ZHX3: variants seen among roughly 807,000 people sequenced by gnomAD.
The protein encoded by ZHX3 is zinc fingers and homeoboxes 3, also known as zinc fingers and homeoboxes protein 3.
ZHX3 carries 20 observed loss-of-function variants against 64.5 expected under a neutral mutation model. That is an observed-to-expected ratio of 0.31 (90% CI 0.22 to 0.45). The LOEUF is 0.45. Among genes scored for constraint, ZHX3 ranks in the 20% least tolerant of loss-of-function variants. The pLI, the probability that ZHX3 is intolerant of heterozygous loss-of-function variation, is 1.00. For synonymous variants in ZHX3, 423 were observed against 461.6 expected, an observed-to-expected ratio of 0.92 and a Z score of 1.07; for missense variants, 1,041 against 1,195.8, an observed-to-expected ratio of 0.87 and a Z score of 1.91.
chr20:41,250,553 A>T (rs372789334), intron 2 of ZHX3, among the ~76,000 whole-genome samples: 21 of 152,314 alleles, frequency 1.4e-4, no homozygotes, highest in African/African-American at 4.8e-4. Context: ...AACACTTATG[A>T]AACAATAGCA....
intron 1 of ZHX3, among the ~76,000 whole-genome samples, chr20:41,294,711 TATTG>T (rs1486884529): frequency 6.6e-6 from 1 of 151,844 alleles, no homozygotes; most frequent in Admixed American, 6.6e-5. Flanking sequence ...CCACATTATT[TATTG>T]ATTGATTTTT....
At chr20:41,229,373 C>CAA (rs2040459306) in intron 2 of ZHX3, among the ~76,000 whole-genome samples, 1 of 152,164 alleles carries the variant, frequency 6.6e-6, no homozygotes, top group African/African-American at 2.4e-5. Flanking sequence ...CATGGACATA[C>CAA]AATCTCTTTG....
At chr20:41,259,550 T>C (rs952434510) in intron 2 of ZHX3, among the ~76,000 whole-genome samples, 1 of 152,156 alleles carries the variant, frequency 6.6e-6, no homozygotes, top group East Asian at 1.9e-4. Context: ...AGTAGATACA[T>C]GTGAATGGAC....
At chr20:41,253,472 G>A (rs920536135) in intron 2 of ZHX3, among the ~76,000 whole-genome samples, 8 of 151,782 alleles carry the variant, frequency 5.3e-5, no homozygotes, top group African/African-American at 1.9e-4. Flanking sequence ...TTTTCTTCTT[G>A]TATTTTATGG....
intron 1 of ZHX3, among the ~76,000 whole-genome samples, chr20:41,286,757 C>T (rs2043957194): frequency 1.3e-5 from 2 of 152,174 alleles, no homozygotes; most frequent in South Asian, 4.1e-4. Flanking sequence ...GTGTCCCCAC[C>T]CAAATCTCCT....
intron 3 of ZHX3, among the ~76,000 whole-genome samples, chr20:41,196,442 A>ATATAATATAT (rs2037583154): frequency 3.5e-5 from 2 of 57,028 alleles, no homozygotes; most frequent in African/African-American, 7.1e-5. Context: ...AAATATATAT[A>ATATAATATAT]TTATATATAA....
At chr20:41,236,679 C>T (rs1221418046) in intron 2 of ZHX3, among the ~76,000 whole-genome samples, 2 of 152,162 alleles carry the variant, frequency 1.3e-5, no homozygotes, top group Admixed American at 1.3e-4. Context: ...TAGAAGAAAA[C>T]CTAGGCAATA....
At position 41,200,813 on chromosome 20, in the gene ZHX3, A is replaced by G. The variant is rs1459636468; in HGVS notation, c.2860+1244T>C. On this transcript the variant is annotated intron_variant, in intron 3 of 3. Transcript: ENST00000683867. This position sits in a 1 kb window ranked among gnomAD's most constrained non-coding sequence, Gnocchi z 4.2. ...CCCCAACCCACCAAATTATGGGCCA[A>G]AAAGGAAGTCTCTTTTTCCTTAATT... Among the ~76,000 whole-genome samples, 2 of 152,232 alleles carry G rather than the reference A, an allele frequency of 1.3e-5. No homozygotes were observed. Among genetic ancestry groups the G allele is most frequent in the Admixed American group, 1.3e-4 (2 of 15,284 alleles).
intron 3 of ZHX3, among the ~76,000 whole-genome samples, chr20:41,186,747 C>T (rs1327061268): frequency 3.3e-5 from 5 of 152,138 alleles, no homozygotes; most frequent in Non-Finnish European, 5.9e-5. Context: ...GCCAAAGGTT[C>T]GTCTTTTCAT....
At chr20:41,315,912 CT>C (rs1438325867) in intron 1 of ZHX3, among the ~76,000 whole-genome samples, 1 of 150,390 alleles carries the variant, frequency 6.6e-6, no homozygotes, top group East Asian at 1.9e-4. Context: ...AGTTTTCTGC[CT>C]TAAACATGAA....
chr20:41,221,521 A>G (rs1171858497), intron 2 of ZHX3, among the ~76,000 whole-genome samples: 1 of 152,238 alleles, frequency 6.6e-6, no homozygotes, highest in African/African-American at 2.4e-5. Context: ...ACAAAAAAAA[A>G]TAGATAGAAA....
rs1393603397 is a variant in ZHX3 at position 41,178,655 on chromosome 20, A to G, written c.*6536T>C. ...CGTGAGGCCTGGAGATTCAGCCCCA[A>G]GAGGGCAACCCCACTCCTGCCTCAG... On this transcript the variant is annotated 3_prime_UTR_variant, in exon 4 of 4. Transcript: ENST00000683867. The G allele has an allele frequency of 6.5e-6, 1 of 152,682 alleles. No individual in the cohort carries two copies. The highest frequency in any genetic ancestry group is 1.5e-5 in the Non-Finnish European group (1 of 68,048). 9.5% of individuals were successfully genotyped at this position (152,682 alleles called of 1,614,324 possible).
intron 1 of ZHX3, among the ~76,000 whole-genome samples, chr20:41,288,995 GT>G (rs1200938933): frequency 6.6e-6 from 1 of 152,012 alleles, no homozygotes; most frequent in Non-Finnish European, 1.5e-5. Context: ...CTAACAAATA[GT>G]TTTTTCTTTT....
At chr20:41,227,193 G>T (rs886526600) in intron 2 of ZHX3, among the ~76,000 whole-genome samples, 2 of 152,100 alleles carry the variant, frequency 1.3e-5, no homozygotes, top group African/African-American at 4.8e-5. Flanking sequence ...TCCTGGGGTG[G>T]GGGGCAGCAG....
chr20:41,312,519 C>G (rs368930553), intron 1 of ZHX3, among the ~76,000 whole-genome samples: 1 of 152,142 alleles, frequency 6.6e-6, no homozygotes, highest in African/African-American at 2.4e-5. Context: ...ACAGACCTAC[C>G]AGAAGGAATG....
Position 41,286,492 on chromosome 20 carries a change from T to C in ZHX3, c.-244-17409A>G, listed in dbSNP as rs546365651. 4.6e-5 allele frequency among the ~76,000 whole-genome samples: 7 copies of C among 152,350 alleles called. No individual in the cohort carries two copies. In the South Asian group the frequency reaches 1.2e-3, roughly 27 times the overall value. On this transcript the variant is annotated intron_variant, in intron 1 of 3. Transcript: ENST00000683867. ...AAAAGTCTTCTGTAAGTCATACTTA[T>C]TATAGTCAAGATTCCTTGTAATTCT...
intron 1 of ZHX3, among the ~76,000 whole-genome samples, chr20:41,308,063 T>A (rs2045030695): frequency 6.6e-6 from 1 of 152,234 alleles, no homozygotes; most frequent in Admixed American, 6.5e-5. Context: ...CAAGGGTTCC[T>A]GAGCTCTGAC....
At position 41,202,435 on chromosome 20, in the gene ZHX3, C is replaced by T. The variant is rs1437135789; in HGVS notation, c.2482G>A (p.Glu828Lys). 1.2e-5 allele frequency: 20 copies of T among 1,614,176 alleles called. No homozygotes were observed. The highest frequency in any genetic ancestry group is 6.6e-5 in the South Asian group (6 of 91,076). ...GGGAAGTTGCCTCGCTTATAGTCTT[C>T]GTACCATTTGAGTTGGCCGTTCTTC... The part of the protein sequence containing the change: ...ALKNGQLKWY[E>K]DYKRGNFPPG... The change falls in exon 3 of 4, where the codon GAA becomes AAA. Residue 828 changes from glutamate to lysine, a missense_variant. Physicochemically the swap from Glu to Lys is moderately conservative, Grantham distance 56 (BLOSUM62 1). Transcript: ENST00000683867. This position sits in a 1 kb window ranked among gnomAD's most constrained non-coding sequence, Gnocchi z 7.0.
intron 2 of ZHX3, among the ~76,000 whole-genome samples, chr20:41,216,363 A>G (rs2039533817): frequency 6.6e-6 from 1 of 152,108 alleles, no homozygotes; most frequent in East Asian, 1.9e-4. Context: ...CTTCCTATTC[A>G]CCCCCAGAGA....
Sources: gnomAD v4.1 joint callset for allele counts (sites outside exome capture counted in the v4.1 genomes callset) on GRCh38, gnomAD v4.1.1 for gene constraint, Gnocchi (gnomAD v3.1) non-coding constraint, MANE v1.5 for transcripts, NCBI Gene and HGNC (gene_info 2026-07-23, HGNC 2026-07-21) for gene names.